The following MMP26 variants were observed in gnomAD, a reference collection of about 807,000 sequenced individuals.
MMP26 encodes the protein matrix metalloproteinase-26.
In MMP26, 33 loss-of-function variants were observed where a neutral mutation model predicts 31.0. The ratio of observed to expected loss-of-function variants is 1.06; its 90% CI spans 0.81 to 1.42. The LOEUF is 1.42. Among genes scored for constraint, MMP26 ranks in the 40% most tolerant of loss-of-function variants. The probability of loss-of-function intolerance (pLI) is 0.00; values close to 1 mark genes in which losing one functional copy is unlikely to be tolerated. For synonymous variants in MMP26, 122 were observed against 114.9 expected, an observed-to-expected ratio of 1.06 and a Z score of -0.40; for missense variants, 347 against 316.1, an observed-to-expected ratio of 1.10 and a Z score of -0.74.
At chr11:4,985,141 C>T (rs1248449535) in intron 2 of MMP26, among the ~76,000 whole-genome samples, 1 of 151,138 alleles carries the variant, frequency 6.6e-6, no homozygotes, top group East Asian at 1.9e-4. Context: ...TGATAAGCAG[C>T]ATGCCTCATT....
intron 1 of MMP26, chr11:4,710,142 A>G: frequency 2.2e-6 from 1 of 456,774 alleles, no homozygotes; most frequent in South Asian, 1.5e-5. Flanking sequence ...GCTCTCATGC[A>G]CAGACACATG....
intron 1 of MMP26, among the ~76,000 whole-genome samples, chr11:4,754,751 G>A (rs1238110873): frequency 1.3e-5 from 2 of 151,932 alleles, no homozygotes; most frequent in Non-Finnish European, 2.9e-5. Flanking sequence ...GCATTCCGTG[G>A]ACAATGGATT....
chr11:4,727,315 G>T (rs2133280697), intron 1 of MMP26, among the ~76,000 whole-genome samples: 1 of 152,256 alleles, frequency 6.6e-6, no homozygotes, highest in Middle Eastern at 3.4e-3. Flanking sequence ...AGATGATTTA[G>T]AAGGAGATAT....
chr11:4,868,880 A>G (rs563686629), intron 2 of MMP26, among the ~76,000 whole-genome samples: 2 of 152,310 alleles, frequency 1.3e-5, no homozygotes, highest in South Asian at 2.1e-4. Flanking sequence ...ATACAGACCA[A>G]TGGAACAGAA....
chr11:4,755,766 T>C (rs938357963), intron 1 of MMP26, among the ~76,000 whole-genome samples: 14 of 151,980 alleles, frequency 9.2e-5, no homozygotes, highest in African/African-American at 3.4e-4. Context: ...TAATGCTTAT[T>C]GGGATAGCAA....
At chr11:4,872,113 A>G (rs980024912) in intron 2 of MMP26, among the ~76,000 whole-genome samples, 2 of 152,072 alleles carry the variant, frequency 1.3e-5, no homozygotes, top group African/African-American at 4.8e-5. Context: ...AGGTTTTTGT[A>G]TCTTTAAATG....
chr11:4,853,817 A>C (rs1175677457), intron 2 of MMP26, among the ~76,000 whole-genome samples: 1 of 152,204 alleles, frequency 6.6e-6, no homozygotes, highest in Non-Finnish European at 1.5e-5. Flanking sequence ...CTTGATTCTA[A>C]AGCCAAATCA....
intron 2 of MMP26, among the ~76,000 whole-genome samples, chr11:4,955,973 A>G (rs538695250): frequency 5.9e-5 from 9 of 152,332 alleles, no homozygotes; most frequent in African/African-American, 1.4e-4. Flanking sequence ...TGTTATTTCT[A>G]TAGAGAATCC....
Position 4,789,530 on chromosome 11 carries a change from C to CTTTTTTTTTTTTTTTTTTTT in MMP26, c.-145+22199_-145+22218dup, listed in dbSNP as rs71050429. Reference sequence around the variant, plus strand: ...TCCTGAAGGTAAAGATATCCCCCCACTTTTTTTTTTTTTTTTTTTTTTTTT... The same window carrying CTTTTTTTTTTTTTTTTTTTT: ...TCCTGAAGGTAAAGATATCCCCCCACTTTTTTTTTTTTTTTTTTTTTTTTTTTTTTTTTTTTTTTTTTTTT... On this transcript the variant is annotated intron_variant, in intron 2 of 7. Coordinates refer to ENST00000380390, the MANE Select transcript of MMP26 (RefSeq NM_021801.5). 1.5e-4 allele frequency among the ~76,000 whole-genome samples: 10 copies of CTTTTTTTTTTTTTTTTTTTT among 65,972 alleles called. 4 individuals are homozygous for CTTTTTTTTTTTTTTTTTTTT. Among genetic ancestry groups the CTTTTTTTTTTTTTTTTTTTT allele is most frequent in the Admixed American group, 5.7e-4 (2 of 3,524 alleles). 43.3% of individuals were successfully genotyped at this position (65,972 alleles called of 152,430 possible).
rs544818714 is a variant in MMP26 at position 4,724,034 on chromosome 11, G to A, written c.-217+18989G>A. On this transcript the variant is annotated intron_variant, in intron 1 of 7. Transcript: ENST00000380390. ...CCATAACCTCCACCCAGGCTACCCC[G>A]GAAGCTGCTGGTACCACTGGGGAAA... 5.6e-4 allele frequency: 378 copies of A among 671,516 alleles called. 1 individual carries two copies. The highest frequency in any genetic ancestry group is 1.7e-4 in the Non-Finnish European group (65 of 371,784). 41.6% of individuals were successfully genotyped at this position (671,516 alleles called of 1,614,324 possible).
At chr11:4,783,698 T>C (rs1848896635) in intron 2 of MMP26, among the ~76,000 whole-genome samples, 1 of 152,154 alleles carries the variant, frequency 6.6e-6, no homozygotes, top group African/African-American at 2.4e-5. Context: ...ATAATTTCCA[T>C]GTGTTGTGGG....
intron 2 of MMP26, among the ~76,000 whole-genome samples, chr11:4,800,394 T>TG (rs1455283740): frequency 6.6e-6 from 1 of 152,172 alleles, no homozygotes; most frequent in Admixed American, 6.5e-5. Flanking sequence ...CTTTGAGCCA[T>TG]GGTTGTAGCT....
chr11:4,888,724 A>C (rs1850577082), intron 2 of MMP26, among the ~76,000 whole-genome samples: 1 of 152,208 alleles, frequency 6.6e-6, no homozygotes, highest in Non-Finnish European at 1.5e-5. Flanking sequence ...ATAAGGCAAA[A>C]GAATTCCTGG....
intron 2 of MMP26, among the ~76,000 whole-genome samples, chr11:4,779,747 G>C (rs1041842857): frequency 6.6e-6 from 1 of 151,960 alleles, no homozygotes; most frequent in Non-Finnish European, 1.5e-5. Context: ...TTGTTTTCAA[G>C]TTGTTCAACA....
chr11:4,844,619 A>T lies in MMP26; in HGVS notation c.-145+77278A>T, dbSNP rs1441319769. On this transcript the variant is annotated intron_variant, in intron 2 of 7. Coordinates refer to ENST00000380390, the MANE Select transcript of MMP26 (RefSeq NM_021801.5). ...AAGAATGGTTCAACATATGAAAATC[A>T]ATCAATGGGATACATTCTATCAACA... 2.0e-5 allele frequency among the ~76,000 whole-genome samples: 3 copies of T among 152,360 alleles called. No individual in the cohort carries two copies. The East Asian group carries it at 5.8e-4, about 29-fold the overall frequency.
intron 2 of MMP26, chr11:4,914,790 T>A (rs1267510129): frequency 2.5e-6 from 4 of 1,613,774 alleles, no homozygotes; most frequent in Non-Finnish European, 2.5e-6. Context: ...ATGGGATTCA[T>A]CACAGGAGGA....
intron 2 of MMP26, among the ~76,000 whole-genome samples, chr11:4,972,597 G>T (rs1041288872): frequency 6.6e-6 from 1 of 151,982 alleles, no homozygotes; most frequent in South Asian, 2.1e-4. Flanking sequence ...GGTAGTCTTT[G>T]GTCACCTCTG....
At chr11:4,742,915 G>A (rs1848333585) in intron 1 of MMP26, among the ~76,000 whole-genome samples, 1 of 151,954 alleles carries the variant, frequency 6.6e-6, no homozygotes, top group Admixed American at 6.6e-5. Context: ...CAGGGTATTA[G>A]CCATGCAAGA....
chr11:4,793,793 C>G (rs1849065834), intron 2 of MMP26: 1 of 152,174 alleles, frequency 6.6e-6, no homozygotes, highest in South Asian at 2.1e-4. Context: ...CACAAAATCT[C>G]TGTACCATGT....
Sources: allele counts gnomAD v4.1 joint callset (sites outside exome capture counted in the v4.1 genomes callset), GRCh38; gene constraint gnomAD v4.1.1; transcripts MANE v1.5; gene names NCBI Gene and HGNC (gene_info 2026-07-23, HGNC 2026-07-21).